The following LRRC49 variants were observed in gnomAD, a reference collection of about 807,000 sequenced individuals.
LRRC49 encodes leucine rich repeat containing 49, also known as leucine-rich repeat-containing protein 49.
Under a neutral mutation model 83.3 loss-of-function variants are expected in LRRC49, and 50 were observed. That is an observed-to-expected ratio of 0.60 (90% CI 0.48 to 0.76). LRRC49 has a LOEUF of 0.76. Ranked by LOEUF, LRRC49 falls within the 30% of genes least tolerant of loss-of-function variation. The pLI is 0.00. For synonymous variants in LRRC49, 286 were observed against 283.3 expected (o/e 1.01, Z -0.10); for missense variants, 704 against 809.1 (o/e 0.87, Z 1.58).
intron 8 of LRRC49, 134 bp from the exon 9 acceptor site, chr15:70,963,651 G>A: frequency 2.3e-6 from 2 of 856,300 alleles, no homozygotes; most frequent in Admixed American, 2.4e-5. Context: ...CTGGGTATGG[G>A]GTATAGGGGA....
intron 2 of LRRC49, among the ~76,000 whole-genome samples, chr15:70,887,105 T>C (rs1267201521): frequency 6.6e-6 from 1 of 152,112 alleles, no homozygotes; most frequent in African/African-American, 2.4e-5. Context: ...TGAATAACCT[T>C]ATAACAAAGA....
chr15:71,022,784 A>G (rs1226850103), intron 14 of LRRC49, among the ~76,000 whole-genome samples: 1 of 152,206 alleles, frequency 6.6e-6, no homozygotes, highest in Non-Finnish European at 1.5e-5. Flanking sequence ...AAGGATATAA[A>G]ATGCTTGAAT....
In LRRC49 at chr15:70,951,474, C is replaced by T. The variant is rs561886874; in HGVS notation, c.774-12311C>T. ...TGTATTGCTCATTGTAGACATCTTT[C>T]CCCTCCTTAGTAAGCTGTATCCTTA... On this transcript the variant is annotated intron_variant, in intron 8 of 15. Transcript: ENST00000260382. 9.2e-5 allele frequency among the ~76,000 whole-genome samples: 14 copies of T among 152,148 alleles called. No homozygotes were observed. The South Asian group carries it at 2.5e-3, about 27-fold the overall frequency.
At chr15:70,855,307 C>T (rs1372315089) in intron 1 of LRRC49, among the ~76,000 whole-genome samples, 1 of 149,530 alleles carries the variant, frequency 6.7e-6, no homozygotes, top group South Asian at 2.1e-4. Flanking sequence ...TGCACTCCAG[C>T]CTGGGCAACA....
chr15:70,905,557 G>A (rs1437761385), intron 5 of LRRC49, among the ~76,000 whole-genome samples: 2 of 152,106 alleles, frequency 1.3e-5, no homozygotes, highest in Non-Finnish European at 2.9e-5. Flanking sequence ...AGATTAACAA[G>A]AGAAAAGCAT....
At chr15:70,976,445 A>T (rs1254398139) in intron 9 of LRRC49, among the ~76,000 whole-genome samples, 1 of 152,184 alleles carries the variant, frequency 6.6e-6, no homozygotes, top group Non-Finnish European at 1.5e-5. Flanking sequence ...TTGCCATTTG[A>T]TTTTTAAAAT....
At chr15:70,934,765 A>G (rs2035539245) in intron 7 of LRRC49, among the ~76,000 whole-genome samples, 1 of 152,188 alleles carries the variant, frequency 6.6e-6, no homozygotes, top group South Asian at 2.1e-4. Context: ...CCTTGATTCA[A>G]AGGATTTAAA....
At chr15:70,895,722 A>G (rs1044659006) in intron 2 of LRRC49, 127 bp from the exon 3 acceptor site, 6 of 542,194 alleles carry the variant, frequency 1.1e-5, no homozygotes, top group African/African-American at 3.9e-5. Context: ...TTCACTTGGC[A>G]TGATGTTTTC....
chr15:70,916,737 C>T lies in LRRC49; in HGVS notation c.568-2313C>T, dbSNP rs190320163. Among the ~76,000 whole-genome samples the T allele has an allele frequency of 4.0e-3, 610 of 152,256 alleles. 2 individuals carry two copies. Among genetic ancestry groups the T allele is most frequent in the Non-Finnish European group, 6.2e-3 (421 of 68,016 alleles). On this transcript the variant is annotated intron_variant, in intron 6 of 15. Coordinates refer to ENST00000260382, the MANE Select transcript of LRRC49 (RefSeq NM_017691.5). ...GGACAAGTGGGAGCCCTGCCCCTTC[C>T]GAGTTGGGGCGGGAGCTCCCCGGGT...
chr15:70,867,732 A>G, intron 1 of LRRC49, among the ~76,000 whole-genome samples: 1 of 152,168 alleles, frequency 6.6e-6, no homozygotes, highest in East Asian at 1.9e-4. Flanking sequence ...TCCAGGTGAA[A>G]AAGACAGTCA....
intron 1 of LRRC49, among the ~76,000 whole-genome samples, chr15:70,856,934 G>C (rs1199866937): frequency 6.6e-6 from 1 of 152,126 alleles, no homozygotes; most frequent in African/African-American, 2.4e-5. Flanking sequence ...CCAGAGCCGT[G>C]GCAGGGGAAG....
chr15:70,893,024 T>C (rs2033655318), intron 1 of LRRC49, 82 bp downstream of exon 1: 2 of 1,484,530 alleles, frequency 1.3e-6, no homozygotes, highest in African/African-American at 2.8e-5. Flanking sequence ...ATGGGCTGTA[T>C]TATTAGGACC....
At chr15:70,891,991 G>C (rs1033802579), upstream of LRRC49, 11 of 1,613,192 alleles carry the variant, frequency 6.8e-6, no homozygotes, top group Admixed American at 1.7e-5. Flanking sequence ...TAGGTGCCGG[G>C]GCGGGCACCC....
intron 1 of LRRC49, among the ~76,000 whole-genome samples, chr15:70,860,656 G>A (rs1043657702): frequency 2.6e-5 from 4 of 152,128 alleles, no homozygotes; most frequent in African/African-American, 9.7e-5. Flanking sequence ...CAAAGTGCTG[G>A]AATTACAGGT....
chr15:70,891,777 A>T, upstream of LRRC49: 9 of 1,382,504 alleles, frequency 6.5e-6, no homozygotes, highest in Non-Finnish European at 8.6e-6. Flanking sequence ...TCCCAAGGTG[A>T]CACTAAGTGG....
intron 15 of LRRC49, among the ~76,000 whole-genome samples, chr15:71,037,635 G>A (rs1237785305): frequency 2.0e-5 from 3 of 152,038 alleles, no homozygotes; most frequent in East Asian, 1.9e-4. Context: ...CAAGGGTCCC[G>A]ATCTATGTAA....
At chr15:70,989,308 C>A (rs969451881) in intron 11 of LRRC49, among the ~76,000 whole-genome samples, 71 of 152,110 alleles carry the variant, frequency 4.7e-4, no homozygotes, top group Non-Finnish European at 4.4e-5. Flanking sequence ...TCATATAGTC[C>A]CATAGTTCTT....
At chr15:70,988,208 A>T (rs1387990407) in intron 11 of LRRC49, among the ~76,000 whole-genome samples, 1 of 151,328 alleles carries the variant, frequency 6.6e-6, no homozygotes, top group Non-Finnish European at 1.5e-5. Context: ...TTTCTGTCTC[A>T]TTGATCTGTC....
At chr15:70,896,781 A>G (rs891673341) in intron 3 of LRRC49, among the ~76,000 whole-genome samples, 9 of 152,148 alleles carry the variant, frequency 5.9e-5, no homozygotes, top group African/African-American at 2.2e-4. Flanking sequence ...ACATATGGCA[A>G]TTTAAAATAT....
Sources: allele counts gnomAD v4.1 joint callset (sites outside exome capture counted in the v4.1 genomes callset), GRCh38; gene constraint gnomAD v4.1.1; transcripts MANE v1.5; gene names NCBI Gene and HGNC (gene_info 2026-07-23, HGNC 2026-07-21).